The following ZNF268 variants were observed in gnomAD, a reference collection of about 807,000 sequenced individuals.
ZNF268 encodes zinc finger protein 3.
Under a neutral mutation model 29.3 loss-of-function variants are expected in ZNF268, and 20 were observed. The observed-to-expected ratio is 0.68, with a 90% confidence interval of 0.48 to 0.99. The LOEUF is 0.99. Ranked by LOEUF, ZNF268 falls within the 50% of genes least tolerant of loss-of-function variation. ZNF268 has a pLI of 0.00. For synonymous variants in ZNF268, 429 were observed against 376.9 expected (o/e 1.14, Z -1.60); for missense variants, 1,240 against 1,121.6 (o/e 1.11, Z -1.51).
rs371484741 is a variant in ZNF268, at chr12:133,202,932, T to C, written c.1246T>C (p.Tyr416His). The C allele has an allele frequency of 4.5e-6, 7 of 1,545,380 alleles. No individual in the cohort carries two copies. Among genetic ancestry groups the C allele is most frequent in the Non-Finnish European group, 4.3e-6 (5 of 1,149,712 alleles). Residue 416 changes from tyrosine to histidine, a missense_variant, in exon 6 of 6, where the codon TAT (tyrosine) becomes CAT (histidine). By Grantham distance (83) the Tyr-to-His change is moderately conservative (BLOSUM62 2). Coordinates refer to ENST00000536435, the MANE Select transcript of ZNF268 (RefSeq NM_003415.3). ...HERIHTGEKP[Y>H]ECNECQKAFN... ...AAGAATTCATACAGGAGAGAAACCA[T>C]ATGAATGCAATGAATGTCAGAAAGC...
In ZNF268 at chr12:133,209,732, G is replaced by A. The variant is rs905403425; in HGVS notation, c.*5202G>A. 2 of 152,242 alleles carry A rather than the reference G, an allele frequency of 1.3e-5. No individual in the cohort carries two copies. Among genetic ancestry groups the A allele is most frequent in the Non-Finnish European group, 2.9e-5 (2 of 68,046 alleles). The allele number at this position is 152,242 out of a possible 1,614,324, so 9.4% of individuals were successfully genotyped here. On this transcript the variant is annotated 3_prime_UTR_variant, in exon 6 of 6. Transcript: ENST00000536435. ...TCCAAGCTACTCAGGAGAATTGCTT[G>A]AACTGGAGAGGCGGAGGTTGCAGTG...
Position 133,206,173 on chromosome 12 carries a change from A to G in ZNF268, c.*1643A>G, listed in dbSNP as rs1348154432. 6.6e-6 allele frequency: 1 copy of G among 152,184 alleles called. No homozygotes were observed. The highest frequency in any genetic ancestry group is 1.9e-4 in the East Asian group (1 of 5,190). The allele number at this position is 152,184 out of a possible 1,614,324, so 9.4% of individuals were successfully genotyped here. On this transcript the variant is annotated 3_prime_UTR_variant, in exon 6 of 6. Transcript: ENST00000536435. ...GAGGAGTAGGCAGAAACTTGCAAGG[A>G]TATGTGGATATTTGGAAATGGTTGT...
At position 133,207,415 on chromosome 12, in the gene ZNF268, T is replaced by A. The variant is rs1956919491; in HGVS notation, c.*2885T>A. 6.6e-6 allele frequency: 1 copy of A among 152,238 alleles called. No homozygotes were observed. Among genetic ancestry groups the A allele is most frequent in the Non-Finnish European group, 1.5e-5 (1 of 68,038 alleles). The allele number at this position is 152,238 out of a possible 1,614,324, so 9.4% of individuals were successfully genotyped here. A position where few individuals can be genotyped will look rare whatever the true frequency, so the allele number is the denominator to read the frequency against. On this transcript the variant is annotated 3_prime_UTR_variant, in exon 6 of 6. Coordinates refer to ENST00000536435, the MANE Select transcript of ZNF268 (RefSeq NM_003415.3). The stretch of plus-strand genomic sequence containing the variant: ...AACCAATGTATAGCTAACAAGAAAG[T>A]CATGATATTAGGTTTAACAGACTAT...
At chr12:133,199,707 T>A (rs1470699994) in intron 5 of ZNF268, among the ~76,000 whole-genome samples, 1 of 152,212 alleles carries the variant, frequency 6.6e-6, no homozygotes, top group African/African-American at 2.4e-5. Flanking sequence ...ATTGCCACAA[T>A]TTCAGAGCCT....
chr12:133,211,777 T>G lies in ZNF268; in HGVS notation c.*7247T>G, dbSNP rs1411571735. The G allele has an allele frequency of 6.6e-6, 1 of 152,212 alleles. No individual in the cohort carries two copies. The highest frequency in any genetic ancestry group is 2.4e-5 in the African/African-American group (1 of 41,462). 9.4% of individuals were successfully genotyped at this position (152,212 alleles called of 1,614,324 possible). On this transcript the variant is annotated 3_prime_UTR_variant, in exon 6 of 6. Transcript: ENST00000536435. ...TCTCATTCATTGCTGGTGCAATGCA[T>G]AATAGTATAGCCACTTTGGAAGATA...
chr12:133,191,506 G>A lies in ZNF268; in HGVS notation c.252G>A (p.Met84Ile), dbSNP rs1956474381. 6.2e-7 allele frequency: 1 copy of A among 1,613,880 alleles called. No homozygotes were observed. The highest frequency in any genetic ancestry group is 8.5e-7 in the Non-Finnish European group (1 of 1,179,942). The change falls in exon 4 of 6, where the codon ATG becomes ATA. Residue 84 changes from methionine (M) to isoleucine (I), a missense_variant. Met to Ile is a conservative substitution (Grantham distance 10, BLOSUM62 1). This residue lies in a region of ZNF268 where 1,177 missense variants were observed against 1,039.6 expected (regional missense o/e 1.13). Transcript: ENST00000536435. ...ITKSWGPLSF[M>I]DVFVDFTWEE... Reference sequence around the variant, plus strand: ...TATTTCAGGGACCTTTGTCATTCATGGATGTGTTTGTGGATTTTACCTGGG... The same window carrying A: ...TATTTCAGGGACCTTTGTCATTCATAGATGTGTTTGTGGATTTTACCTGGG...
intron 5 of ZNF268, among the ~76,000 whole-genome samples, chr12:133,195,943 C>A (rs1023976497): frequency 6.6e-6 from 1 of 151,062 alleles, no homozygotes; most frequent in Admixed American, 6.6e-5. Context: ...GAACTCCTGA[C>A]CTCAGGTGAT....
chr12:133,202,286 T>G lies in ZNF268; in HGVS notation c.600T>G (p.Pro200=). 6.2e-7 allele frequency: 1 copy of G among 1,612,682 alleles called. No individual in the cohort carries two copies. Among genetic ancestry groups the G allele is most frequent in the South Asian group, 1.1e-5 (1 of 90,960 alleles). The change falls in exon 6 of 6, where the codon CCT becomes CCG. Residue 200 remains proline, a synonymous_variant. Coordinates refer to ENST00000536435, the MANE Select transcript of ZNF268 (RefSeq NM_003415.3). ...LSTKYLSRQK[P]HKCGTHGKSL... is the part of the protein sequence containing the mutation. ...CAAAGTATCTTTCAAGACAAAAACCTCATAAATGTGGCACGCATGGAAAGA... is the reference window on the plus strand; with the variant it reads ...CAAAGTATCTTTCAAGACAAAAACCGCATAAATGTGGCACGCATGGAAAGA...
chr12:133,183,445 A>G (rs942825668), intron 2 of ZNF268, among the ~76,000 whole-genome samples: 81 of 151,952 alleles, frequency 5.3e-4, no homozygotes, highest in African/African-American at 1.8e-3. Context: ...GGTTGCAGTC[A>G]GCCGAGATCG....
rs1956864772 is a variant in ZNF268, at chr12:133,204,982, T to C, written c.*452T>C. ...AATTAACAAAATTACAAACATTTTA[T>C]GTATCGGAAGCATATACCTTGGAGG... is the stretch of plus-strand genomic sequence containing the variant. On this transcript the variant is annotated 3_prime_UTR_variant, in exon 6 of 6. Transcript: ENST00000536435. The C allele has an allele frequency of 6.5e-6, 1 of 154,904 alleles. No individual in the cohort carries two copies. The highest frequency in any genetic ancestry group is 2.4e-5 in the African/African-American group (1 of 41,390). The allele number at this position is 154,904 out of a possible 1,614,324, so 9.6% of individuals were successfully genotyped here.
rs559678555 is a variant in ZNF268 at position 133,214,397 on chromosome 12, C to A, written c.*9867C>A. 1 of 152,026 alleles carries A rather than the reference C, an allele frequency of 6.6e-6. No individual in the cohort carries two copies. The highest frequency in any genetic ancestry group is 1.5e-5 in the Non-Finnish European group (1 of 68,042). 9.4% of individuals were successfully genotyped at this position (152,026 alleles called of 1,614,324 possible). On this transcript the variant is annotated 3_prime_UTR_variant, in exon 6 of 6. Coordinates refer to ENST00000536435, the MANE Select transcript of ZNF268 (RefSeq NM_003415.3). ...GAAACATTGTGCTGAGAACCCAGCA[C>A]AAGGCCACACACCTGTAATCCCAGC...
rs1457772386 is a variant in ZNF268, at chr12:133,203,660, T to TA, written c.1977dup (p.Gly660ArgfsTer19). On this transcript the variant is annotated frameshift_variant, in exon 6 of 6. Transcript: ENST00000536435. LOFTEE classifies it low-confidence loss of function (END_TRUNC). ...CGTTCAAATCACAGCTCATTGTACA[T>TA]AAAGGAGTGCACACTGGAGTAAAAC... 1 of 1,552,724 alleles carries TA rather than the reference T, an allele frequency of 6.4e-7. No individual in the cohort carries two copies. Among genetic ancestry groups the TA allele is most frequent in the East Asian group, 2.4e-5 (1 of 41,660 alleles).
rs1368511143 is a variant in ZNF268 at position 133,202,966 on chromosome 12, C to G, written c.1280C>G (p.Thr427Arg). The G allele has an allele frequency of 2.6e-6, 4 of 1,547,098 alleles. No individual in the cohort carries two copies. The Admixed American group carries it at 5.8e-5, about 23-fold the overall frequency. Residue 427 changes from threonine (T) to arginine (R), a missense_variant, in exon 6 of 6, where the codon ACA becomes AGA. Thr to Arg is a moderately conservative substitution (Grantham distance 71, BLOSUM62 -1). Transcript: ENST00000536435. ...AATGAATGTCAGAAAGCCTTTAATACAAAGTCAAACCTTATGGTACATCAG... is the reference window on the plus strand; with the variant it reads ...AATGAATGTCAGAAAGCCTTTAATAGAAAGTCAAACCTTATGGTACATCAG... ...ECNECQKAFNTKSNLMVHQRT... is the reference protein window; with the variant it reads ...ECNECQKAFNRKSNLMVHQRT...
In ZNF268 at chr12:133,206,134, A is replaced by T. The variant is rs1048448006; in HGVS notation, c.*1604A>T. The T allele has an allele frequency of 1.3e-5, 2 of 152,232 alleles. No homozygotes were observed. Among genetic ancestry groups the T allele is most frequent in the African/African-American group, 4.8e-5 (2 of 41,462 alleles). The allele number at this position is 152,232 out of a possible 1,614,324, so 9.4% of individuals were successfully genotyped here. A position where few individuals can be genotyped will look rare whatever the true frequency, so the allele number is the denominator to read the frequency against. ...ACAGCTTACTAAATCAGATGGCTTC[A>T]GAAATGGGTGGTAGAGGAGTAGGCA... is the stretch of plus-strand genomic sequence containing the variant. On this transcript the variant is annotated 3_prime_UTR_variant, in exon 6 of 6. Coordinates refer to ENST00000536435, the MANE Select transcript of ZNF268 (RefSeq NM_003415.3).
In ZNF268 at chr12:133,211,201, C is replaced by T. The variant is rs1956974342; in HGVS notation, c.*6671C>T. 1 of 259,910 alleles carries T rather than the reference C, an allele frequency of 3.8e-6. No individual in the cohort carries two copies. The highest frequency in any genetic ancestry group is 6.7e-5 in the African/African-American group (1 of 14,986). 16.1% of individuals were successfully genotyped at this position (259,910 alleles called of 1,614,324 possible). ...AAAAATCTGAAAAAGTGTTTGTATGCAAAATATAAAAAAAAAACCCTAAAA... is the reference window on the plus strand; with the variant it reads ...AAAAATCTGAAAAAGTGTTTGTATGTAAAATATAAAAAAAAAACCCTAAAA... On this transcript the variant is annotated 3_prime_UTR_variant, in exon 6 of 6. Transcript: ENST00000536435.
Position 133,202,538 on chromosome 12 carries a change from C to T in ZNF268, c.852C>T (p.Ala284=). ...KPFGCSCCEK[A]FSSKSYLLVH... ...TTGGATGCAGCTGTTGTGAGAAAGC[C>T]TTCAGCAGCAAGTCATACCTTCTAG... The change falls in exon 6 of 6, where the codon GCC becomes GCT. Residue 284 remains alanine, a synonymous_variant. Transcript: ENST00000536435. The T allele has an allele frequency of 6.2e-7, 1 of 1,611,774 alleles. No individual in the cohort carries two copies.
At position 133,188,050 on chromosome 12, in the gene ZNF268, A is replaced by T. The variant is rs1425860490; in HGVS notation, c.212A>T (p.Gln71Leu). ...GAGTGGCTGTTTATTTCCCAAGAGC[A>T]GCCAAAAATCACCAAGTCCTGGGTG... The part of the protein sequence containing the change: ...VLEWLFISQE[Q>L]PKITKSWGPL... Residue 71 changes from glutamine (Q) to leucine (L), a missense_variant, in exon 3 of 6, where the codon CAG (glutamine) becomes CTG (leucine). Coordinates refer to ENST00000536435, the MANE Select transcript of ZNF268 (RefSeq NM_003415.3). 6.3e-7 allele frequency: 1 copy of T among 1,592,116 alleles called. No individual in the cohort carries two copies. The highest frequency in any genetic ancestry group is 1.8e-5 in the Admixed American group (1 of 56,972).
intron 5 of ZNF268, among the ~76,000 whole-genome samples, chr12:133,196,227 CAGG>C (rs1266384113): frequency 3.0e-5 from 4 of 134,288 alleles, no homozygotes; most frequent in African/African-American, 1.2e-4. Context: ...GAGGCTGAGG[CAGG>C]AGAATTGCTT....
chr12:133,198,644 A>G (rs1004882816), intron 5 of ZNF268, among the ~76,000 whole-genome samples: 1 of 151,788 alleles, frequency 6.6e-6, no homozygotes, highest in Admixed American at 6.6e-5. Context: ...CATTTTCACG[A>G]TATAGATTCT....
Sources: gnomAD v4.1 joint callset for allele counts (sites outside exome capture counted in the v4.1 genomes callset) on GRCh38, gnomAD v4.1.1 for gene constraint, gnomAD v4.1.1 regional missense constraint, MANE v1.5 for transcripts, NCBI Gene and HGNC (gene_info 2026-07-23, HGNC 2026-07-21) for gene names.